Variants in WWOX observed in about 807,000 individuals in gnomAD.
WWOX encodes WW domain-containing oxidoreductase.
WWOX carries 69 observed loss-of-function variants against 46.2 expected under a neutral mutation model. That is an observed-to-expected ratio of 1.49 (90% CI 1.23 to 1.82). The LOEUF is 1.82. Ranked by LOEUF, WWOX falls within the 40% of genes most tolerant of loss-of-function variation. The pLI, the probability that WWOX is intolerant of heterozygous loss-of-function variation, is 0.00. For synonymous variants in WWOX, 359 were observed against 202.6 expected (o/e 1.77, Z -6.56); for missense variants, 919 against 542.6 (o/e 1.69, Z -6.89).
chr16:78,953,041 AGTT>A (rs1375627381), intron 8 of WWOX, among the ~76,000 whole-genome samples: 1 of 148,746 alleles, frequency 6.7e-6, no homozygotes, highest in Non-Finnish European at 1.5e-5. Context: ...TTTTTTTTCC[AGTT>A]GTTGTTGTTC....
At chr16:78,205,261 GAA>G (rs1361657667) in intron 5 of WWOX, among the ~76,000 whole-genome samples, 1 of 152,090 alleles carries the variant, frequency 6.6e-6, no homozygotes, top group Non-Finnish European at 1.5e-5. Flanking sequence ...TATTACTGTT[GAA>G]AAGAGATGGG....
At chr16:78,276,852 C>G (rs1239354389) in intron 5 of WWOX, among the ~76,000 whole-genome samples, 1 of 152,124 alleles carries the variant, frequency 6.6e-6, no homozygotes, top group Admixed American at 6.5e-5. Flanking sequence ...CCCCATTTTT[C>G]TTTGCATCTC....
chr16:78,491,802 A>G (rs2084791494), intron 8 of WWOX, among the ~76,000 whole-genome samples: 1 of 152,194 alleles, frequency 6.6e-6, no homozygotes, highest in Admixed American at 6.5e-5. Flanking sequence ...AAGTCATTTT[A>G]AATAACTATC....
intron 8 of WWOX, among the ~76,000 whole-genome samples, chr16:78,507,508 GT>G (rs2085240777): frequency 6.6e-6 from 1 of 152,168 alleles, no homozygotes; most frequent in Non-Finnish European, 1.5e-5. Flanking sequence ...AGCTGCCTGT[GT>G]TTTTATGTTT....
intron 6 of WWOX, among the ~76,000 whole-genome samples, chr16:78,423,360 A>G (rs1223380330): frequency 1.3e-5 from 2 of 152,046 alleles, no homozygotes; most frequent in Admixed American, 1.3e-4. Context: ...TATCATATGG[A>G]TATATTCTAA....
intron 8 of WWOX, among the ~76,000 whole-genome samples, chr16:78,730,540 C>G (rs1019150217): frequency 9.9e-5 from 15 of 151,986 alleles, no homozygotes; most frequent in African/African-American, 3.6e-4. Flanking sequence ...CAGCCTCAAC[C>G]GCCTGGTCTC....
At chr16:78,144,293 T>G (rs2151710821) in intron 4 of WWOX, among the ~76,000 whole-genome samples, 1 of 150,496 alleles carries the variant, frequency 6.6e-6, no homozygotes, top group South Asian at 2.1e-4. Context: ...AGTACAAATT[T>G]TTAGGTTTCC....
chr16:79,152,119 G>C (rs1037395720), intron 8 of WWOX, among the ~76,000 whole-genome samples: 4 of 152,002 alleles, frequency 2.6e-5, no homozygotes, highest in African/African-American at 9.7e-5. Flanking sequence ...ACTTTTTCCT[G>C]TAGAGTAAAA....
chr16:78,862,483 TAC>T (rs897889661), intron 8 of WWOX, among the ~76,000 whole-genome samples: 5 of 151,900 alleles, frequency 3.3e-5, no homozygotes, highest in African/African-American at 9.7e-5. Context: ...CACAAGTGCA[TAC>T]ACACACACAT....
chr16:78,848,485 C>T (rs1292388637), intron 8 of WWOX, among the ~76,000 whole-genome samples: 4 of 152,236 alleles, frequency 2.6e-5, no homozygotes, highest in Admixed American at 6.5e-5. Context: ...AGCTCAGGAG[C>T]GACTGGGCAT....
chr16:78,602,093 C>G (rs1057023929), intron 8 of WWOX, among the ~76,000 whole-genome samples: 1 of 152,194 alleles, frequency 6.6e-6, no homozygotes, highest in Non-Finnish European at 1.5e-5. Context: ...TAAAATGATT[C>G]TGTTGGGCTT....
chr16:78,670,355 C>G (rs1356771326), intron 8 of WWOX, among the ~76,000 whole-genome samples: 1 of 152,142 alleles, frequency 6.6e-6, no homozygotes, highest in South Asian at 2.1e-4. Flanking sequence ...CCCCAGTGAC[C>G]CTGGTTCATC....
chr16:78,510,283 G>T (rs995227856), intron 8 of WWOX, among the ~76,000 whole-genome samples: 1 of 152,100 alleles, frequency 6.6e-6, no homozygotes, highest in Non-Finnish European at 1.5e-5. Flanking sequence ...TCCACTCACC[G>T]CAAGCTCCGC....
chr16:79,014,109 G>A (rs1193966407), intron 8 of WWOX, among the ~76,000 whole-genome samples: 1 of 152,206 alleles, frequency 6.6e-6, no homozygotes, highest in Non-Finnish European at 1.5e-5. Context: ...CCCGAGCTGG[G>A]TCTTTGAGCT....
intron 8 of WWOX, among the ~76,000 whole-genome samples, chr16:78,737,823 C>G (rs1338340244): frequency 6.6e-6 from 1 of 152,184 alleles, no homozygotes; most frequent in Non-Finnish European, 1.5e-5. Context: ...AGCCTGTAAA[C>G]TCTGGAGTGT....
intron 5 of WWOX, among the ~76,000 whole-genome samples, chr16:78,300,160 A>G (rs935399760): frequency 2.0e-5 from 3 of 152,186 alleles, no homozygotes; most frequent in African/African-American, 4.8e-5. Flanking sequence ...TTAAAAAGTA[A>G]TTTAATCTTC....
intron 5 of WWOX, among the ~76,000 whole-genome samples, chr16:78,352,047 G>T (rs1275479220): frequency 6.6e-6 from 1 of 152,146 alleles, no homozygotes; most frequent in Admixed American, 6.5e-5. Context: ...TGGAGTCAGC[G>T]AGACAGTAGA....
chr16:78,514,555 C>T (rs2085442316), intron 8 of WWOX, among the ~76,000 whole-genome samples: 1 of 152,144 alleles, frequency 6.6e-6, no homozygotes, highest in Non-Finnish European at 1.5e-5. Flanking sequence ...CCTCTGAGCT[C>T]TTGGTGCTGA....
intron 8 of WWOX, among the ~76,000 whole-genome samples, chr16:78,589,607 G>A (rs776015440): frequency 7.9e-5 from 12 of 152,324 alleles, no homozygotes; most frequent in Non-Finnish European, 1.0e-4. Flanking sequence ...CAGTAGAGAA[G>A]TGGTTGCTTA....
Sources: allele counts gnomAD v4.1 joint callset (sites outside exome capture counted in the v4.1 genomes callset), GRCh38; gene constraint gnomAD v4.1.1; transcripts MANE v1.5; gene names NCBI Gene and HGNC (gene_info 2026-07-23, HGNC 2026-07-21).